The following MTR variants were observed in gnomAD, a reference collection of about 807,000 sequenced individuals.
MTR encodes 5-methyltetrahydrofolate-homocysteine methyltransferase.
Under a neutral mutation model 154.8 loss-of-function variants are expected in MTR, and 84 were observed. The observed-to-expected ratio is 0.54, with a 90% CI of 0.45 to 0.65. The LOEUF (loss-of-function observed/expected upper bound fraction) is 0.65, where lower values mean the gene tolerates loss of function less well. Among genes scored for constraint, MTR ranks in the 30% least tolerant of loss-of-function variants. The pLI is 0.00. For synonymous variants in MTR, 554 were observed against 553.9 expected (o/e 1.00, Z 0.00); for missense variants, 1,275 against 1,570.2 (o/e 0.81, Z 3.18).
chr1:236,820,886 C>T (rs1661897707), intron 8 of MTR, among the ~76,000 whole-genome samples: 4 of 152,154 alleles, frequency 2.6e-5, no homozygotes, highest in Admixed American at 2.6e-4. Flanking sequence ...ATTTGCAATT[C>T]CTTAAAAACA....
At chr1:236,860,068 TG>T (rs1664436232) in intron 19 of MTR, 146 bp downstream of exon 19, 2 of 264,362 alleles carry the variant, frequency 7.6e-6, no homozygotes, top group Non-Finnish European at 1.4e-5. Context: ...GTCCCCCAGC[TG>T]CCCCCCCCCC....
intron 4 of MTR, among the ~76,000 whole-genome samples, chr1:236,809,869 G>A (rs1443227144): frequency 6.6e-6 from 1 of 152,186 alleles, no homozygotes; most frequent in African/African-American, 2.4e-5. Flanking sequence ...GGACTTCAGG[G>A]CAGAGGAAAA....
In MTR at chr1:236,890,731, T is replaced by C. The variant is rs539799742; in HGVS notation, c.3008-402T>C. Among the ~76,000 whole-genome samples, 6 of 152,320 alleles carry C rather than the reference T, an allele frequency of 3.9e-5. No homozygotes were observed. In the East Asian group the frequency reaches 1.2e-3, roughly 29 times the overall value. ...AGTTGGGATTAAAAGCACCACGGAA[T>C]ACGAGGCACAGGTCGCGTCTCCCAG... On this transcript the variant is annotated intron_variant, in intron 28 of 32. Coordinates refer to ENST00000366577, the MANE Select transcript of MTR (RefSeq NM_000254.3).
intron 2 of MTR, among the ~76,000 whole-genome samples, chr1:236,804,035 C>G (rs2103015391): frequency 7.1e-6 from 1 of 140,620 alleles, no homozygotes; most frequent in East Asian, 2.2e-4. Flanking sequence ...CTGGGTTATA[C>G]AAGCACACAT....
chr1:236,858,323 A>G (rs1419251489), intron 18 of MTR, among the ~76,000 whole-genome samples: 2 of 152,140 alleles, frequency 1.3e-5, no homozygotes, highest in Non-Finnish European at 2.9e-5. Flanking sequence ...ATCTTGTGAG[A>G]CTTACTCACT....
At chr1:236,806,736 C>G (rs1339050955) in intron 3 of MTR, among the ~76,000 whole-genome samples, 1 of 152,144 alleles carries the variant, frequency 6.6e-6, no homozygotes, top group Non-Finnish European at 1.5e-5. Flanking sequence ...TAAACAATAC[C>G]TTCCCATTCT....
At chr1:236,879,639 T>C (rs969706526) in intron 24 of MTR, among the ~76,000 whole-genome samples, 16 of 152,218 alleles carry the variant, frequency 1.1e-4, no homozygotes, top group African/African-American at 3.4e-4. Flanking sequence ...TAAGGGAGGC[T>C]GTACATGTTT....
chr1:236,820,016 G>A (rs1270796269), intron 8 of MTR: 6 of 999,618 alleles, frequency 6.0e-6, no homozygotes, highest in Non-Finnish European at 9.5e-6. Context: ...TTACTGACTC[G>A]AGGGCTGACC....
At chr1:236,828,646 T>C (rs1662436937) in intron 11 of MTR, among the ~76,000 whole-genome samples, 1 of 152,138 alleles carries the variant, frequency 6.6e-6, no homozygotes, top group Non-Finnish European at 1.5e-5. Context: ...AGTAATTATT[T>C]TGGAGTTTTA....
chr1:236,809,236 T>TTA (rs1661166107), intron 4 of MTR, among the ~76,000 whole-genome samples: 1 of 152,172 alleles, frequency 6.6e-6, no homozygotes, highest in Non-Finnish European at 1.5e-5. Context: ...CATTTTCCCT[T>TTA]TATACTATTG....
chr1:236,889,506 C>T (rs1255766789), intron 28 of MTR, among the ~76,000 whole-genome samples, 170 bp downstream of exon 28: 1 of 152,146 alleles, frequency 6.6e-6, no homozygotes, highest in Non-Finnish European at 1.5e-5. Flanking sequence ...CTAGATTGGT[C>T]CTTATTGCAT....
chr1:236,890,078 G>A (rs1666232539), intron 28 of MTR, among the ~76,000 whole-genome samples: 1 of 152,124 alleles, frequency 6.6e-6, no homozygotes, highest in Non-Finnish European at 1.5e-5. Flanking sequence ...GCAGGGAGGG[G>A]TAGACTCACA....
chr1:236,852,326 T>C (rs889661770), intron 16 of MTR, among the ~76,000 whole-genome samples, 195 bp from the exon 17 acceptor site: 25 of 152,008 alleles, frequency 1.6e-4, no homozygotes, highest in African/African-American at 6.0e-4. Context: ...AAAAACTACT[T>C]ACGAAGCAGC....
At chr1:236,809,237 T>C (rs150778009) in intron 4 of MTR, among the ~76,000 whole-genome samples, 35 of 152,322 alleles carry the variant, frequency 2.3e-4, no homozygotes, top group Non-Finnish European at 4.6e-4. Flanking sequence ...ATTTTCCCTT[T>C]ATACTATTGA....
At chr1:236,847,395 T>G (rs1663644569) in intron 15 of MTR, among the ~76,000 whole-genome samples, 1 of 152,254 alleles carries the variant, frequency 6.6e-6, no homozygotes, top group African/African-American at 2.4e-5. Flanking sequence ...AGTGTCTGCC[T>G]TGATGACCAA....
At chr1:236,881,857 A>G (rs1443798748) in intron 25 of MTR, among the ~76,000 whole-genome samples, 1 of 152,200 alleles carries the variant, frequency 6.6e-6, no homozygotes, top group Admixed American at 6.5e-5. Context: ...TAACCTCATG[A>G]TATAGGTATT....
intron 1 of MTR, among the ~76,000 whole-genome samples, chr1:236,799,789 G>GT (rs142946312): frequency 0.14 from 21,017 of 145,470 alleles, 1,666 homozygotes; most frequent in South Asian, 0.2. Flanking sequence ...CAAATTCATT[G>GT]TGTTTTTTTT....
At chr1:236,863,416 C>T in intron 21 of MTR, 38 bp from the exon 22 acceptor site, 1 of 1,571,708 alleles carries the variant, frequency 6.4e-7, no homozygotes, top group Non-Finnish European at 8.8e-7. Flanking sequence ...CCACCCTAAA[C>T]AACCCTGCCT....
intron 24 of MTR, among the ~76,000 whole-genome samples, chr1:236,875,936 G>T (rs1665407970): frequency 6.6e-6 from 1 of 152,128 alleles, no homozygotes; most frequent in Admixed American, 6.5e-5. Flanking sequence ...TTGATTTTTT[G>T]AGTCTAAAGG....
Sources: allele counts gnomAD v4.1 joint callset (sites outside exome capture counted in the v4.1 genomes callset), GRCh38; gene constraint gnomAD v4.1.1; transcripts MANE v1.5; gene names NCBI Gene and HGNC (gene_info 2026-07-23, HGNC 2026-07-21).